The following METAP1 variants were observed in gnomAD, a reference collection of about 807,000 sequenced individuals.
METAP1 encodes the protein methionyl aminopeptidase 1.
In METAP1, 28 loss-of-function variants were observed where a neutral mutation model predicts 53.8. That is an observed-to-expected ratio of 0.52 (90% CI 0.39 to 0.71). METAP1 has a LOEUF of 0.71. METAP1 is among the 30% of genes least tolerant of loss of function. The probability of loss-of-function intolerance (pLI) is 0.00; values close to 1 mark genes in which losing one functional copy is unlikely to be tolerated. For missense variants in METAP1, 389 were observed against 479.8 expected (o/e 0.81, Z 1.77); for synonymous variants, 181 against 165.7 (o/e 1.09, Z -0.71).
intron 1 of METAP1, among the ~76,000 whole-genome samples, chr4:99,007,542 T>C (rs1412665131): frequency 6.6e-6 from 1 of 152,074 alleles, no homozygotes; most frequent in Non-Finnish European, 1.5e-5. Context: ...TCTCCCTAAG[T>C]CTGTCATTCA....
At chr4:98,998,574 G>A (rs1050531726) in intron 1 of METAP1, among the ~76,000 whole-genome samples, 1 of 152,038 alleles carries the variant, frequency 6.6e-6, no homozygotes, top group African/African-American at 2.4e-5. Flanking sequence ...AAGAAATTAG[G>A]GATTTTCCTT....
At chr4:99,043,945 A>G (rs1726044754) in intron 7 of METAP1, among the ~76,000 whole-genome samples, 1 of 151,914 alleles carries the variant, frequency 6.6e-6, no homozygotes, top group Non-Finnish European at 1.5e-5. Context: ...GTATTATTTT[A>G]TTTTTTGGAG....
intron 2 of METAP1, among the ~76,000 whole-genome samples, chr4:99,031,273 G>A (rs1725002581): frequency 6.6e-6 from 1 of 151,986 alleles, no homozygotes. Flanking sequence ...ATCTGTAGAA[G>A]TTGTAGCATT....
chr4:99,000,894 G>A (rs1354904353), intron 1 of METAP1, among the ~76,000 whole-genome samples: 2 of 151,984 alleles, frequency 1.3e-5, no homozygotes, highest in African/African-American at 2.4e-5. Flanking sequence ...TGGTAGAGAC[G>A]GGGTTTCACC....
At position 98,995,887 on chromosome 4, in the gene METAP1, C is replaced by T; in HGVS notation, c.114+20C>T. 2 of 1,518,590 alleles carry T rather than the reference C, an allele frequency of 1.3e-6. No homozygotes were observed. The highest frequency in any genetic ancestry group is 4.0e-5 in the Admixed American group (2 of 50,204). 94.1% of individuals were successfully genotyped at this position (1,518,590 alleles called of 1,614,324 possible). A position where few individuals can be genotyped will look rare whatever the true frequency, so the allele number is the denominator to read the frequency against. On this transcript the variant is annotated intron_variant, in intron 1 of 10. Coordinates refer to ENST00000296411, the MANE Select transcript of METAP1 (RefSeq NM_015143.3). Reference sequence around the variant, plus strand: ...TCGCAGGTAGGCGCCCGCTGCCCCGCGGATATGCCGCCGCTGCGGGACCCC... The same window carrying T: ...TCGCAGGTAGGCGCCCGCTGCCCCGTGGATATGCCGCCGCTGCGGGACCCC...
intron 3 of METAP1, among the ~76,000 whole-genome samples, chr4:99,034,754 G>T (rs1394319508): frequency 6.6e-6 from 1 of 152,138 alleles, no homozygotes; most frequent in Non-Finnish European, 1.5e-5. Flanking sequence ...GTCAACAGAT[G>T]CAGAACCAGG....
intron 6 of METAP1, among the ~76,000 whole-genome samples, chr4:99,042,790 C>T (rs1024450244): frequency 1.3e-4 from 20 of 151,858 alleles, no homozygotes; most frequent in African/African-American, 4.8e-4. Context: ...GGTTGAGTAT[C>T]CCTTATCTGA....
chr4:98,997,109 C>T (rs1722670380), intron 1 of METAP1, among the ~76,000 whole-genome samples: 1 of 152,154 alleles, frequency 6.6e-6, no homozygotes, highest in East Asian at 1.9e-4. Context: ...TACGATTTAA[C>T]TCTGCCATAA....
At chr4:99,025,328 T>C (rs1724484424) in intron 1 of METAP1, 2 of 966,766 alleles carry the variant, frequency 2.1e-6, no homozygotes, top group Non-Finnish European at 2.5e-6. Flanking sequence ...TCAGATCTCT[T>C]TCACTGTTTG....
chr4:99,010,066 A>G (rs780633974), intron 1 of METAP1, among the ~76,000 whole-genome samples: 9 of 152,216 alleles, frequency 5.9e-5, no homozygotes, highest in Admixed American at 2.6e-4. Context: ...TATGGTTAAG[A>G]TAAGGGCACA....
At position 99,010,057 on chromosome 4, in the gene METAP1, A is replaced by G. The variant is rs191811156; in HGVS notation, c.114+14190A>G. On this transcript the variant is annotated intron_variant, in intron 1 of 10. Coordinates refer to ENST00000296411, the MANE Select transcript of METAP1 (RefSeq NM_015143.3). ...ATCTCTTTTGAGTTAATTTTTATATATGGTTAAGATAAGGGCACAACTTTA... is the reference window on the plus strand; with the variant it reads ...ATCTCTTTTGAGTTAATTTTTATATGTGGTTAAGATAAGGGCACAACTTTA... Among the ~76,000 whole-genome samples, 19 of 152,280 alleles carry G rather than the reference A, an allele frequency of 1.2e-4. No homozygotes were observed. The East Asian group carries it at 3.5e-3, about 28-fold the overall frequency.
rs1242526658 is a variant in METAP1 at position 99,061,764 on chromosome 4, AACACTATGTG to A, written c.*450_*459del. On this transcript the variant is annotated 3_prime_UTR_variant, in exon 11 of 11. Coordinates refer to ENST00000296411, the MANE Select transcript of METAP1 (RefSeq NM_015143.3). Reference sequence around the variant, plus strand: ...TTAAGTTCTGTATACATAATTACCAAACACTATGTGACCTGGAGTTTGTGTTGTTTCTGCT... The same window carrying A: ...TTAAGTTCTGTATACATAATTACCAAACCTGGAGTTTGTGTTGTTTCTGCT... 1 of 152,348 alleles carries A rather than the reference AACACTATGTG, an allele frequency of 6.6e-6. No individual in the cohort carries two copies. Among genetic ancestry groups the A allele is most frequent in the East Asian group, 1.9e-4 (1 of 5,204 alleles). 9.4% of individuals were successfully genotyped at this position (152,348 alleles called of 1,614,324 possible).
chr4:99,053,837 CTT>C (rs1329565777), intron 9 of METAP1, among the ~76,000 whole-genome samples: 1 of 151,620 alleles, frequency 6.6e-6, no homozygotes, highest in Non-Finnish European at 1.5e-5. Flanking sequence ...TGAAACGAAT[CTT>C]TTTCTCTGAG....
chr4:99,019,277 G>A (rs1210314260), intron 1 of METAP1, among the ~76,000 whole-genome samples: 1 of 152,122 alleles, frequency 6.6e-6, no homozygotes. Flanking sequence ...TTAATGGTTT[G>A]GTCCCACCTC....
At position 99,012,287 on chromosome 4, in the gene METAP1, T is replaced by C. The variant is rs577356668; in HGVS notation, c.114+16420T>C. Among the ~76,000 whole-genome samples, 1,080 of 123,638 alleles carry C rather than the reference T, an allele frequency of 8.7e-3. 7 individuals carry two copies. Among genetic ancestry groups the C allele is most frequent in the Non-Finnish European group, 0.014 (846 of 59,052 alleles). The allele number at this position is 123,638 out of a possible 152,430, so 81.1% of individuals were successfully genotyped here. ...AATGTGAGTTTTTTTTTTTTTTTTT[T>C]CAAGACAGTGTCTCGCTCTGTCACC... is the stretch of plus-strand genomic sequence containing the variant. On this transcript the variant is annotated intron_variant, in intron 1 of 10. Transcript: ENST00000296411.
chr4:99,057,693 G>A lies in METAP1; in HGVS notation c.932-60G>A. 5 of 1,178,478 alleles carry A rather than the reference G, an allele frequency of 4.2e-6. No individual in the cohort carries two copies. In the South Asian group the frequency reaches 6.9e-5, roughly 16 times the overall value. The allele number at this position is 1,178,478 out of a possible 1,614,324, so 73.0% of individuals were successfully genotyped here. On this transcript the variant is annotated intron_variant, in intron 9 of 10. Transcript: ENST00000296411. ...TTGAGTTATGTACTCTTTCTAGTTA[G>A]CTGTTCAACAGTACACTGTTGGTTT...
At position 99,061,287 on chromosome 4, in the gene METAP1, T is replaced by C; in HGVS notation, c.1131T>C (p.Ser377=). Residue 377 remains serine, a synonymous_variant, in exon 11 of 11, where the codon AGT becomes AGC. Coordinates refer to ENST00000296411, the MANE Select transcript of METAP1 (RefSeq NM_015143.3). ...AAATCCTAACCCGGCGACTTGACAGTGCACGGCCTCACTTCATGTCTCAAT... is the reference window on the plus strand; with the variant it reads ...AAATCCTAACCCGGCGACTTGACAGCGCACGGCCTCACTTCATGTCTCAAT... ...GCEILTRRLD[S]ARPHFMSQF 6.2e-7 allele frequency: 1 copy of C among 1,613,842 alleles called. No homozygotes were observed. The highest frequency in any genetic ancestry group is 8.5e-7 in the Non-Finnish European group (1 of 1,179,810).
chr4:99,023,778 A>G (rs1275798905), intron 1 of METAP1: 5 of 985,130 alleles, frequency 5.1e-6, no homozygotes, highest in Non-Finnish European at 6.0e-6. Flanking sequence ...GGTTAATTTG[A>G]TAGATACTAA....
chr4:99,050,920 ATG>A (rs1726650464), intron 9 of METAP1, among the ~76,000 whole-genome samples: 2 of 152,154 alleles, frequency 1.3e-5, no homozygotes, highest in Non-Finnish European at 2.9e-5. Flanking sequence ...ACAGCATCTA[ATG>A]TGTGTCAATA....
Sources: allele counts gnomAD v4.1 joint callset (sites outside exome capture counted in the v4.1 genomes callset), GRCh38; gene constraint gnomAD v4.1.1; transcripts MANE v1.5; gene names NCBI Gene and HGNC (gene_info 2026-07-23, HGNC 2026-07-21).